TAFA2: variants seen among roughly 807,000 people sequenced by gnomAD.
TAFA2 encodes the protein chemokine-like protein TAFA-2.
TAFA2 carries 7 observed loss-of-function variants against 18.8 expected under a neutral mutation model. The ratio of observed to expected loss-of-function variants is 0.37; its 90% CI spans 0.21 to 0.70. The LOEUF (loss-of-function observed/expected upper bound fraction) is 0.70, where lower values mean the gene tolerates loss of function less well. Among genes scored for constraint, TAFA2 ranks in the 30% least tolerant of loss-of-function variants. The pLI is 0.53. For synonymous variants in TAFA2, 60 were observed against 54.2 expected (o/e 1.11, Z -0.47); for missense variants, 122 against 158.1 (o/e 0.77, Z 1.23).
At chr12:62,077,559 TA>T (rs1474059965) in intron 1 of TAFA2, among the ~76,000 whole-genome samples, 1 of 152,200 alleles carries the variant, frequency 6.6e-6, no homozygotes, top group Non-Finnish European at 1.5e-5. Context: ...ACTGGATTGT[TA>T]AATCCCTCTA....
intron 2 of TAFA2, among the ~76,000 whole-genome samples, chr12:61,852,202 G>A (rs372442423): frequency 1.3e-4 from 17 of 134,700 alleles, no homozygotes; most frequent in African/African-American, 3.4e-4. Flanking sequence ...GCGAAACTTC[G>A]TCTCAAAAAA....
intron 2 of TAFA2, among the ~76,000 whole-genome samples, chr12:61,801,424 C>A (rs971848415): frequency 6.6e-6 from 1 of 151,752 alleles, no homozygotes; most frequent in Non-Finnish European, 1.5e-5. Flanking sequence ...TAAAAACAGA[C>A]ACAAAGAACA....
intron 1 of TAFA2, among the ~76,000 whole-genome samples, chr12:62,218,908 T>C (rs2062748724): frequency 1.3e-5 from 2 of 152,146 alleles, no homozygotes; most frequent in South Asian, 4.1e-4. Flanking sequence ...GATTCAATAA[T>C]ATCATACTTG....
chr12:62,019,795 T>C (rs1017867638), intron 1 of TAFA2, among the ~76,000 whole-genome samples: 11 of 150,938 alleles, frequency 7.3e-5, no homozygotes, highest in Admixed American at 6.6e-4. Flanking sequence ...GTTGTGCACA[T>C]GTACCCTAAA....
chr12:62,055,139 C>T (rs978802235), intron 1 of TAFA2, among the ~76,000 whole-genome samples: 5 of 152,158 alleles, frequency 3.3e-5, no homozygotes, highest in African/African-American at 1.2e-4. Flanking sequence ...TCCCCACTTC[C>T]ACCATGTGAG....
At chr12:62,142,177 C>G (rs2062245127) in intron 1 of TAFA2, among the ~76,000 whole-genome samples, 1 of 152,110 alleles carries the variant, frequency 6.6e-6, no homozygotes, top group Non-Finnish European at 1.5e-5. Flanking sequence ...GCTATTTAAC[C>G]TATCTGAGAC....
chr12:61,828,612 T>C (rs1278280107), intron 2 of TAFA2, among the ~76,000 whole-genome samples: 1 of 151,856 alleles, frequency 6.6e-6, no homozygotes, highest in Non-Finnish European at 1.5e-5. Context: ...TGATGGACTA[T>C]AAAATGAAAT....
At chr12:61,743,278 T>A (rs1220106298) in intron 4 of TAFA2, among the ~76,000 whole-genome samples, 1 of 152,060 alleles carries the variant, frequency 6.6e-6, no homozygotes. Flanking sequence ...AAGTCACAAA[T>A]ATATGCCATC....
intron 1 of TAFA2, among the ~76,000 whole-genome samples, chr12:61,907,192 C>T (rs1876394492): frequency 1.3e-5 from 2 of 152,190 alleles, no homozygotes; most frequent in Non-Finnish European, 2.9e-5. Flanking sequence ...GGGAAAATGT[C>T]TCCGGGACAT....
rs913668074 is a variant in TAFA2, at chr12:61,868,089, G to T, written c.-1-663C>A. Among the ~76,000 whole-genome samples, 12 of 152,026 alleles carry T rather than the reference G, an allele frequency of 7.9e-5. No homozygotes were observed. The South Asian group carries it at 1.0e-3, about 13-fold the overall frequency. On this transcript the variant is annotated intron_variant, in intron 1 of 4. Coordinates refer to ENST00000416284, the MANE Select transcript of TAFA2 (RefSeq NM_178539.5). The stretch of plus-strand genomic sequence containing the variant: ...AATACCAAATCAACATTTTCATATT[G>T]AACTCATAAAACTAGAAAAAGCAAA...
At chr12:61,922,916 G>C (rs949611557) in intron 1 of TAFA2, among the ~76,000 whole-genome samples, 1 of 152,220 alleles carries the variant, frequency 6.6e-6, no homozygotes, top group South Asian at 2.1e-4. Flanking sequence ...TGGGGAGAGG[G>C]GCATCTACTA....
At chr12:61,761,366 CTGAT>C (rs1330137124) in intron 2 of TAFA2, among the ~76,000 whole-genome samples, 1 of 152,010 alleles carries the variant, frequency 6.6e-6, no homozygotes, top group East Asian at 1.9e-4. Flanking sequence ...ATGGTCACAT[CTGAT>C]TGATCACTTG....
intron 1 of TAFA2, among the ~76,000 whole-genome samples, chr12:62,155,798 A>T (rs1437905167): frequency 6.6e-6 from 1 of 152,224 alleles, no homozygotes; most frequent in African/African-American, 2.4e-5. Context: ...TCAACTCAAG[A>T]TGGATTAAGG....
At chr12:62,086,573 T>A (rs12827315) in intron 1 of TAFA2, among the ~76,000 whole-genome samples, 28,299 of 151,802 alleles carry the variant, frequency 0.19, 2,886 homozygotes, top group East Asian at 0.39. Flanking sequence ...ATTAGAGAAA[T>A]GCAAATCAAA....
Position 62,191,079 on chromosome 12 carries a change from C to A in TAFA2, c.-2+180G>T, listed in dbSNP as rs540308783. ...TGACCGCCCGCGAGGGAGACGCCGG[C>A]CGATGGACCCGCATCTGCCCTCACC... On this transcript the variant is annotated intron_variant, in intron 1 of 4. Transcript: ENST00000416284. Among the ~76,000 whole-genome samples, 3 of 152,284 alleles carry A rather than the reference C, an allele frequency of 2.0e-5. No homozygotes were observed. The South Asian group carries it at 6.2e-4, about 32-fold the overall frequency.
At chr12:61,762,590 A>G (rs1869600634) in intron 2 of TAFA2, among the ~76,000 whole-genome samples, 1 of 151,220 alleles carries the variant, frequency 6.6e-6, no homozygotes, top group South Asian at 2.1e-4. Context: ...AGTGGCTGTT[A>G]GGGGAAGTTA....
chr12:61,763,111 T>G (rs1869632610), intron 2 of TAFA2, among the ~76,000 whole-genome samples: 1 of 152,060 alleles, frequency 6.6e-6, no homozygotes, highest in African/African-American at 2.4e-5. Context: ...GCAATCTAAT[T>G]AACAGAAATA....
rs111862415 is a variant in TAFA2 at position 62,148,669 on chromosome 12, C to A, written c.-2+42590G>T. On this transcript the variant is annotated intron_variant, in intron 1 of 4. Coordinates refer to ENST00000416284, the MANE Select transcript of TAFA2 (RefSeq NM_178539.5). ...CACTCAATATACCCATATAACATAC[C>A]TGCACATGTACCCTCTGGATCTAAA... Among the ~76,000 whole-genome samples, 678 of 152,238 alleles carry A rather than the reference C, an allele frequency of 4.5e-3. 6 individuals carry two copies. The highest frequency in any genetic ancestry group is 0.015 in the African/African-American group (627 of 41,538).
chr12:62,214,698 C>T (rs568698293), intron 1 of TAFA2, among the ~76,000 whole-genome samples: 115 of 152,224 alleles, frequency 7.6e-4, no homozygotes, highest in African/African-American at 2.4e-3. Context: ...TGCACACACA[C>T]AGCAATATCA....
Sources: gnomAD v4.1 joint callset for allele counts (sites outside exome capture counted in the v4.1 genomes callset) on GRCh38, gnomAD v4.1.1 for gene constraint, MANE v1.5 for transcripts, NCBI Gene and HGNC (gene_info 2026-07-23, HGNC 2026-07-21) for gene names.